CHN2: variants seen among roughly 807,000 people sequenced by gnomAD.
CHN2 encodes the protein beta-chimaerin.
In CHN2, 35 loss-of-function variants were observed where a neutral mutation model predicts 56.3. That is an observed-to-expected ratio of 0.62 (90% CI 0.47 to 0.82). The LOEUF (loss-of-function observed/expected upper bound fraction) is 0.82, where lower values mean the gene tolerates loss of function less well. Among genes scored for constraint, CHN2 ranks in the 40% least tolerant of loss-of-function variants. The pLI is 0.00. For synonymous variants in CHN2, 210 were observed against 212.8 expected, an observed-to-expected ratio of 0.99 and a Z score of 0.12; for missense variants, 491 against 580.5, an observed-to-expected ratio of 0.85 and a Z score of 1.58.
rs777920260 is a variant in CHN2 at position 29,500,002 on chromosome 7, T to C, written c.875T>C (p.Met292Thr). The stretch of plus-strand genomic sequence containing the variant: ...AAGGCTCACAACACTCAGAGACCCA[T>C]GGTGGTAGACATATGCATTCGGGAA... ...LVKAHNTQRPMVVDICIREIE... is the reference protein window; with the variant it reads ...LVKAHNTQRPTVVDICIREIE... The change falls in exon 9 of 13, where the codon ATG (methionine) becomes ACG (threonine). Residue 292 changes from methionine to threonine, a missense_variant. Transcript: ENST00000222792. 3 of 1,594,648 alleles carry C rather than the reference T, an allele frequency of 1.9e-6. No individual in the cohort carries two copies. Among genetic ancestry groups the C allele is most frequent in the Admixed American group, 1.8e-5 (1 of 56,394 alleles).
intron 6 of CHN2, among the ~76,000 whole-genome samples, chr7:29,413,081 T>A (rs1018672716): frequency 6.6e-6 from 1 of 152,214 alleles, no homozygotes; most frequent in African/African-American, 2.4e-5. Context: ...CCGGGTCTTA[T>A]GATGATAGTT....
At chr7:29,367,902 T>TTCTCTC in intron 2 of CHN2, 30 bp from the exon 3 acceptor site, 5 of 1,471,250 alleles carry the variant, frequency 3.4e-6, no homozygotes, top group Non-Finnish European at 4.7e-6. Flanking sequence ...TTCTAATTAT[T>TTCTCTC]TCTCTCTCTC....
intron 6 of CHN2, among the ~76,000 whole-genome samples, chr7:29,438,919 T>C (rs530030177): frequency 6.6e-6 from 1 of 152,334 alleles, no homozygotes; most frequent in Non-Finnish European, 1.5e-5. Flanking sequence ...TCTTCAAACA[T>C]TGGAGAGGCA....
At chr7:29,242,181 G>T (rs181315935) in intron 1 of CHN2, among the ~76,000 whole-genome samples, 138 of 152,256 alleles carry the variant, frequency 9.1e-4, no homozygotes, top group Middle Eastern at 3.4e-3. Context: ...ACAGAAACAG[G>T]CATGGAACCT....
chr7:29,398,069 G>C (rs926695925), intron 4 of CHN2: 17 of 206,252 alleles, frequency 8.2e-5, no homozygotes, highest in African/African-American at 3.3e-4. Flanking sequence ...GGGGGGGGGG[G>C]GGCGGTGGTT....
At chr7:29,251,392 T>C (rs1167654828) in intron 1 of CHN2, among the ~76,000 whole-genome samples, 1 of 151,988 alleles carries the variant, frequency 6.6e-6, no homozygotes, top group African/African-American at 2.4e-5. Context: ...AGGTCAAGAC[T>C]GCAGTGAGCC....
At chr7:29,462,313 T>A (rs1200890186) in intron 6 of CHN2, among the ~76,000 whole-genome samples, 1 of 152,234 alleles carries the variant, frequency 6.6e-6, no homozygotes, top group African/African-American at 2.4e-5. Flanking sequence ...TATTGCTGAA[T>A]GACAAGCCGC....
intron 6 of CHN2, among the ~76,000 whole-genome samples, chr7:29,469,268 T>G (rs1785827157): frequency 6.6e-6 from 1 of 152,232 alleles, no homozygotes; most frequent in South Asian, 2.1e-4. Context: ...CTGTCTATCC[T>G]TTAGCTGAAT....
At chr7:29,169,717 C>G (rs1796348763) in intron 2 of CHN2, among the ~76,000 whole-genome samples, 1 of 152,022 alleles carries the variant, frequency 6.6e-6, no homozygotes, top group African/African-American at 2.4e-5. Context: ...ACATTTGATC[C>G]AGAAAAGCTT....
intron 1 of CHN2, among the ~76,000 whole-genome samples, chr7:29,222,118 C>G (rs374395334): frequency 1.3e-5 from 2 of 152,096 alleles, no homozygotes; most frequent in South Asian, 2.1e-4. Flanking sequence ...ACAATTGCTA[C>G]AAAAAGAATA....
At chr7:29,360,231 C>G (rs552757687) in intron 2 of CHN2, among the ~76,000 whole-genome samples, 3 of 152,170 alleles carry the variant, frequency 2.0e-5, no homozygotes, top group Non-Finnish European at 1.5e-5. Flanking sequence ...CATTAAGACT[C>G]GACATTCTGG....
rs147562805 is a variant in CHN2 at position 29,195,712 on chromosome 7, G to T, written c.49+722G>T. Among the ~76,000 whole-genome samples, 563 of 151,414 alleles carry T rather than the reference G, an allele frequency of 3.7e-3. 4 individuals carry two copies. Among genetic ancestry groups the T allele is most frequent in the African/African-American group, 0.013 (527 of 41,318 alleles). ...GATAATAGTGGCTGTAATTTCACTA[G>T]CAAGGCATGCATTTTTTTTCCTTTT... is the stretch of plus-strand genomic sequence containing the variant. On this transcript the variant is annotated intron_variant, in intron 1 of 12. Transcript: ENST00000222792.
At chr7:29,479,870 A>C in intron 6 of CHN2, 1 of 1,376,280 alleles carries the variant, frequency 7.3e-7, no homozygotes, top group Non-Finnish European at 9.4e-7. Flanking sequence ...AATGTTTGCT[A>C]TTGTTCCAGG....
chr7:29,297,985 A>T lies in CHN2; in HGVS notation c.50-56640A>T, dbSNP rs7782011. On this transcript the variant is annotated intron_variant, in intron 1 of 12. Transcript: ENST00000222792. ...TCCCTAGTTCCCTTCTTTGCTATCA[A>T]ATACCTGGGGTTCGTGAGGGAGAGA... Among the ~76,000 whole-genome samples, 3 of 151,820 alleles carry T rather than the reference A, an allele frequency of 2.0e-5. No homozygotes were observed. The East Asian group carries it at 5.8e-4, about 29-fold the overall frequency.
chr7:29,267,814 G>C (rs759655898), intron 1 of CHN2, among the ~76,000 whole-genome samples: 3 of 152,182 alleles, frequency 2.0e-5, no homozygotes, highest in Non-Finnish European at 4.4e-5. Context: ...AGCTTTCTGT[G>C]TACATGAGCT....
intron 1 of CHN2, among the ~76,000 whole-genome samples, chr7:29,240,306 T>A (rs186900531): frequency 6.6e-6 from 1 of 152,310 alleles, no homozygotes; most frequent in East Asian, 1.9e-4. Flanking sequence ...CCCTTTCCCC[T>A]TCACCCCTTC....
At chr7:29,192,232 T>A (rs1245797131), upstream of CHN2, 2 of 152,308 alleles carry the variant, frequency 1.3e-5, no homozygotes, top group Non-Finnish European at 2.9e-5. Context: ...GAGTCTCAGC[T>A]TTTTTCTACT....
rs187377064 is a variant in CHN2, at chr7:29,371,678, A to G, written c.144+3691A>G. On this transcript the variant is annotated intron_variant, in intron 3 of 12. Transcript: ENST00000222792. Reference sequence around the variant, plus strand: ...ATCCACCTGTCCACTGGACCTCCTCAGGCCACCACCTGTCTCACAGGCCAC... The same window carrying G: ...ATCCACCTGTCCACTGGACCTCCTCGGGCCACCACCTGTCTCACAGGCCAC... 5.9e-5 allele frequency among the ~76,000 whole-genome samples: 9 copies of G among 152,244 alleles called. No individual in the cohort carries two copies. In the East Asian group the frequency reaches 1.2e-3, roughly 20 times the overall value.
At chr7:29,216,509 T>G (rs995474196) in intron 1 of CHN2, among the ~76,000 whole-genome samples, 1 of 152,262 alleles carries the variant, frequency 6.6e-6, no homozygotes, top group African/African-American at 2.4e-5. Context: ...CATTTCTTTC[T>G]TTGTCACTTT....
Sources: gnomAD v4.1 joint callset for allele counts (sites outside exome capture counted in the v4.1 genomes callset) on GRCh38, gnomAD v4.1.1 for gene constraint, MANE v1.5 for transcripts, NCBI Gene and HGNC (gene_info 2026-07-23, HGNC 2026-07-21) for gene names.